The following ODR4 variants were observed in gnomAD, a reference collection of about 807,000 sequenced individuals.
ODR4 encodes odr-4 GPCR localization factor homolog.
ODR4 carries 47 observed loss-of-function variants against 60.2 expected under a neutral mutation model. The ratio of observed to expected loss-of-function variants is 0.78; its 90% CI spans 0.62 to 1.00. The LOEUF is 1.00. Ranked by LOEUF, ODR4 falls within the 50% of genes least tolerant of loss-of-function variation. The pLI, the probability that ODR4 is intolerant of heterozygous loss-of-function variation, is 0.00. For synonymous variants in ODR4, 178 were observed against 175.5 expected (o/e 1.01, Z -0.11); for missense variants, 488 against 530.8 (o/e 0.92, Z 0.79).
intron 12 of ODR4, among the ~76,000 whole-genome samples, chr1:186,416,283 C>A (rs12401911): frequency 6.6e-6 from 1 of 152,136 alleles, no homozygotes; most frequent in Non-Finnish European, 1.5e-5. Flanking sequence ...CACCTGTAAT[C>A]CCAGCACTTT....
chr1:186,403,891 C>G (rs1043478846), intron 11 of ODR4, among the ~76,000 whole-genome samples: 6 of 152,306 alleles, frequency 3.9e-5, no homozygotes, highest in Middle Eastern at 3.4e-3. Context: ...TACCACTCCA[C>G]TGTCTTCCCA....
In ODR4 at chr1:186,398,441, G is replaced by A; in HGVS notation, c.909G>A (p.Gln303=). 1 of 1,595,040 alleles carries A rather than the reference G, an allele frequency of 6.3e-7. No homozygotes were observed. The highest frequency in any genetic ancestry group is 8.5e-7 in the Non-Finnish European group (1 of 1,171,286). Residue 303 remains glutamine, a splice_region_variant and synonymous_variant, in exon 10 of 14, where the codon CAG becomes CAA. Transcript: ENST00000287859. ...AACCCAAAGTTAAAGATGCTGTGCA[G>A]GTACAAAAAGGAATAACGAGCATAT... is the stretch of plus-strand genomic sequence containing the variant. The part of the protein sequence containing the change: ...SSKPKVKDAV[Q]AVKRDILNTV...
the ODR4 span, among the ~76,000 whole-genome samples, chr1:186,429,669 A>C: frequency 6.6e-6 from 1 of 151,104 alleles, no homozygotes; most frequent in Non-Finnish European, 1.5e-5. Context: ...AATAGTCAAT[A>C]GGTTCATGAC....
At chr1:186,423,899 T>A (rs1571710864), downstream of ODR4, among the ~76,000 whole-genome samples, 1 of 152,310 alleles carries the variant, frequency 6.6e-6, no homozygotes. Flanking sequence ...CATTTTACAT[T>A]CAATAGATTG....
downstream of ODR4, among the ~76,000 whole-genome samples, chr1:186,423,462 T>TC (rs1470769175): frequency 2.2e-5 from 3 of 139,516 alleles, no homozygotes; most frequent in Non-Finnish European, 4.6e-5. Context: ...TTTTTTTTTT[T>TC]TTTTTTTTTT....
intron 12 of ODR4, among the ~76,000 whole-genome samples, chr1:186,411,282 T>A (rs972676502): frequency 5.3e-5 from 8 of 152,144 alleles, no homozygotes; most frequent in Non-Finnish European, 1.0e-4. Context: ...GCATTTTGGA[T>A]GAGGAATACT....
Position 186,385,978 on chromosome 1 carries a change from C to T in ODR4, c.235-10C>T. 6.6e-7 allele frequency: 1 copy of T among 1,512,398 alleles called. No individual in the cohort carries two copies. Among genetic ancestry groups the T allele is most frequent in the Non-Finnish European group, 9.1e-7 (1 of 1,095,672 alleles). 93.7% of individuals were successfully genotyped at this position (1,512,398 alleles called of 1,614,324 possible). On this transcript the variant is annotated splice_polypyrimidine_tract_variant and intron_variant, in intron 3 of 13. Transcript: ENST00000287859. Reference sequence around the variant, plus strand: ...CAATTTGTTAGCTAATAATATATTTCTATTTTTAGGTATCCAGAATGCTAC... The same window carrying T: ...CAATTTGTTAGCTAATAATATATTTTTATTTTTAGGTATCCAGAATGCTAC...
chr1:186,398,067 T>G (rs1018633152), intron 9 of ODR4, among the ~76,000 whole-genome samples: 2 of 152,200 alleles, frequency 1.3e-5, no homozygotes, highest in African/African-American at 2.4e-5. Flanking sequence ...TTTTAGATGG[T>G]TATGTTAGAA....
intron 9 of ODR4, among the ~76,000 whole-genome samples, chr1:186,395,473 A>T (rs1403975485): frequency 6.6e-6 from 1 of 152,194 alleles, no homozygotes; most frequent in Non-Finnish European, 1.5e-5. Flanking sequence ...TTTTGAAGTG[A>T]CTAATATACA....
chr1:186,380,896 C>T (rs573921896), intron 2 of ODR4, among the ~76,000 whole-genome samples: 1 of 152,330 alleles, frequency 6.6e-6, no homozygotes, highest in Admixed American at 6.5e-5. Context: ...TAGTTTTCTA[C>T]ATCATTCTGA....
At position 186,379,893 on chromosome 1, in the gene ODR4, C is replaced by T. The variant is rs367976038; in HGVS notation, c.99+9C>T. 1 of 1,439,968 alleles carries T rather than the reference C, an allele frequency of 6.9e-7. No individual in the cohort carries two copies. The highest frequency in any genetic ancestry group is 1.5e-5 in the African/African-American group (1 of 68,894). 89.2% of individuals were successfully genotyped at this position (1,439,968 alleles called of 1,614,324 possible). A position where few individuals can be genotyped will look rare whatever the true frequency, so the allele number is the denominator to read the frequency against. On this transcript the variant is annotated intron_variant, in intron 2 of 13. Transcript: ENST00000287859. The stretch of plus-strand genomic sequence containing the variant: ...GCCTTTTAATAGGACAGGTATGTAT[C>T]TTTTACTCTGCATTTATAACTAAAT...
intron 5 of ODR4, 104 bp downstream of exon 5, chr1:186,388,652 T>C: frequency 1.6e-6 from 1 of 609,720 alleles, no homozygotes; most frequent in Non-Finnish European, 2.7e-6. Context: ...AAAATAGGCA[T>C]AGTTTTGTAA....
At chr1:186,399,206 A>ATT (rs532098710) in intron 11 of ODR4, 162 bp downstream of exon 11, 4,134 of 510,156 alleles carry the variant, frequency 8.1e-3, no homozygotes, top group South Asian at 9.7e-3. Flanking sequence ...TGCTACTCAG[A>ATT]TTTTTTTTTT....
Position 186,398,440 on chromosome 1 carries a change from A to G in ODR4, c.908A>G (p.Gln303Arg). Residue 303 changes from glutamine to arginine, a missense_variant and splice_region_variant, in exon 10 of 14, where the codon CAG (glutamine) becomes CGG (arginine). Transcript: ENST00000287859. Reference sequence around the variant, plus strand: ...AAACCCAAAGTTAAAGATGCTGTGCAGGTACAAAAAGGAATAACGAGCATA... The same window carrying G: ...AAACCCAAAGTTAAAGATGCTGTGCGGGTACAAAAAGGAATAACGAGCATA... ...SSKPKVKDAVQAVKRDILNTV... is the reference protein window; with the variant it reads ...SSKPKVKDAVRAVKRDILNTV... 4 of 1,597,806 alleles carry G rather than the reference A, an allele frequency of 2.5e-6. No individual in the cohort carries two copies. Among genetic ancestry groups the G allele is most frequent in the South Asian group, 1.1e-5 (1 of 87,936 alleles).
intron 5 of ODR4, among the ~76,000 whole-genome samples, chr1:186,389,059 A>G (rs1571669068): frequency 6.6e-6 from 1 of 152,124 alleles, no homozygotes; most frequent in East Asian, 1.9e-4. Flanking sequence ...CCTCCCAAGC[A>G]AGGGTCATCC....
intron 12 of ODR4, among the ~76,000 whole-genome samples, chr1:186,415,094 A>T (rs908811440): frequency 6.6e-6 from 1 of 150,630 alleles, no homozygotes; most frequent in Non-Finnish European, 1.5e-5. Flanking sequence ...AGAATAGAAA[A>T]AAAAAGGGGG....
At chr1:186,421,910 T>C (rs1661794467), downstream of ODR4, among the ~76,000 whole-genome samples, 1 of 150,050 alleles carries the variant, frequency 6.7e-6, no homozygotes. Flanking sequence ...AAAAGAAATT[T>C]ATTTAAAATA....
downstream of ODR4, among the ~76,000 whole-genome samples, chr1:186,421,916 A>C (rs1175042137): frequency 6.6e-6 from 1 of 151,572 alleles, no homozygotes; most frequent in African/African-American, 2.4e-5. Flanking sequence ...AATTTATTTA[A>C]AATACAGAAT....
At chr1:186,391,216 A>G (rs1660456260) in intron 7 of ODR4, among the ~76,000 whole-genome samples, 1 of 151,962 alleles carries the variant, frequency 6.6e-6, no homozygotes, top group African/African-American at 2.4e-5. Context: ...TACTGTTTGG[A>G]CTTTTAGCTT....
Sources: allele counts gnomAD v4.1 joint callset (sites outside exome capture counted in the v4.1 genomes callset), GRCh38; gene constraint gnomAD v4.1.1; transcripts MANE v1.5; gene names NCBI Gene and HGNC (gene_info 2026-07-23, HGNC 2026-07-21).